The following IL23R variants were observed in gnomAD, a reference collection of about 807,000 sequenced individuals.
IL23R encodes interleukin 23 receptor.
A neutral mutation model predicts 56.9 loss-of-function variants in IL23R; 34 were observed. That is an observed-to-expected ratio of 0.60 (90% CI 0.45 to 0.80). IL23R has a LOEUF of 0.80. Ranked by LOEUF, IL23R falls within the 30% of genes least tolerant of loss-of-function variation. IL23R has a pLI of 0.00. For synonymous variants in IL23R, 230 were observed against 249.2 expected (o/e 0.92, Z 0.73); for missense variants, 635 against 730.0 (o/e 0.87, Z 1.50).
intron 9 of IL23R, among the ~76,000 whole-genome samples, chr1:67,241,964 C>A (rs1276253689): frequency 1.3e-5 from 2 of 152,204 alleles, no homozygotes; most frequent in Admixed American, 6.5e-5. Flanking sequence ...GTGCCAGCAG[C>A]TGTTTAGCCA....
intron 3 of IL23R, among the ~76,000 whole-genome samples, chr1:67,176,870 G>A (rs1027971875): frequency 5.3e-5 from 8 of 152,018 alleles, no homozygotes; most frequent in Admixed American, 3.9e-4. Context: ...CCACCTATGA[G>A]TGAGAACATG....
intron 6 of IL23R, 53 bp from the exon 7 acceptor site, chr1:67,219,521 A>AT: frequency 1.9e-6 from 3 of 1,547,964 alleles, no homozygotes; most frequent in Non-Finnish European, 2.7e-6. Flanking sequence ...GCTAAATAAA[A>AT]TAGTTGTTTT....
At chr1:67,218,825 A>T (rs1450411412) in intron 6 of IL23R, among the ~76,000 whole-genome samples, 3 of 152,052 alleles carry the variant, frequency 2.0e-5, no homozygotes, top group African/African-American at 7.2e-5. Context: ...AGGCTGAGGC[A>T]GGAGGATCAC....
At chr1:67,139,505 ACTT>A (rs1252912697) in intron 1 of IL23R, among the ~76,000 whole-genome samples, 14 of 152,102 alleles carry the variant, frequency 9.2e-5, no homozygotes, top group Admixed American at 9.2e-4. Context: ...CAAAAATTTG[ACTT>A]CTTCAGTCCT....
At position 67,236,699 on chromosome 1, in the gene IL23R, C is replaced by G; in HGVS notation, c.956-14C>G. The G allele has an allele frequency of 1.9e-6, 3 of 1,577,102 alleles. No homozygotes were observed. The highest frequency in any genetic ancestry group is 2.6e-6 in the Non-Finnish European group (3 of 1,146,254). ...AAAATGTAAGAAACTGACACTCTTT[C>G]CTTTTGGTTTAAGTTCCCCAGGTCA... On this transcript the variant is annotated splice_polypyrimidine_tract_variant and intron_variant, in intron 7 of 10. Transcript: ENST00000347310.
chr1:67,163,468 C>CAAAAAAAAAAA (rs57495148), upstream of IL23R, among the ~76,000 whole-genome samples: 3 of 49,604 alleles, frequency 6.0e-5, no homozygotes, highest in African/African-American at 2.9e-4. Flanking sequence ...GACCCTGTCT[C>CAAAAAAAAAAA]AAAAAAAAAA....
At chr1:67,243,416 C>T (rs576964177) in intron 9 of IL23R, among the ~76,000 whole-genome samples, 5 of 152,138 alleles carry the variant, frequency 3.3e-5, no homozygotes, top group Middle Eastern at 3.4e-3. Context: ...CCCATCAACC[C>T]GTCATCTACA....
chr1:67,198,468 G>GGA (rs1648342625), intron 4 of IL23R, among the ~76,000 whole-genome samples: 2 of 152,184 alleles, frequency 1.3e-5, no homozygotes, highest in African/African-American at 4.8e-5. Flanking sequence ...TGGGCTACTT[G>GGA]GATATTCTCA....
chr1:67,150,047 C>G (rs1558215897), intron 1 of IL23R, among the ~76,000 whole-genome samples: 1 of 152,190 alleles, frequency 6.6e-6, no homozygotes, highest in East Asian at 1.9e-4. Flanking sequence ...ATTTTCTGGG[C>G]TCAATCCTAG....
At chr1:67,187,666 C>T (rs1275530490) in intron 4 of IL23R, among the ~76,000 whole-genome samples, 1 of 152,182 alleles carries the variant, frequency 6.6e-6, no homozygotes, top group Non-Finnish European at 1.5e-5. Flanking sequence ...AAAGAGAATG[C>T]TTTCAGAAAT....
chr1:67,160,860 T>C (rs1646812309), intron 1 of IL23R, among the ~76,000 whole-genome samples: 1 of 152,172 alleles, frequency 6.6e-6, no homozygotes, highest in Non-Finnish European at 1.5e-5. Context: ...AGCAGAGCTC[T>C]ATTCTTTATC....
intron 5 of IL23R, among the ~76,000 whole-genome samples, chr1:67,205,883 C>CTTTA (rs1208904345): frequency 1.8e-5 from 1 of 55,898 alleles, no homozygotes; most frequent in African/African-American, 4.8e-5. Flanking sequence ...ATCTTTCTTT[C>CTTTA]TTTCTTTCTT....
In IL23R at chr1:67,238,789, C is replaced by T. The variant is rs537844727; in HGVS notation, c.1046-1390C>T. ...CCAAGGGTGTGTGGCAGCCAGTACC[C>T]CCAATTAGTTGCTTCAAATAGTCAG... is the stretch of plus-strand genomic sequence containing the variant. On this transcript the variant is annotated intron_variant, in intron 8 of 10. Coordinates refer to ENST00000347310, the MANE Select transcript of IL23R (RefSeq NM_144701.3). Among the ~76,000 whole-genome samples the T allele has an allele frequency of 2.0e-5, 3 of 152,154 alleles. No homozygotes were observed. The East Asian group carries it at 5.8e-4, about 29-fold the overall frequency.
At chr1:67,231,506 GT>G (rs2100290403) in intron 7 of IL23R, among the ~76,000 whole-genome samples, 1 of 151,946 alleles carries the variant, frequency 6.6e-6, no homozygotes, top group East Asian at 1.9e-4. Context: ...TCACTGAGGG[GT>G]TAAGCAATTT....
intron 1 of IL23R, among the ~76,000 whole-genome samples, chr1:67,157,622 C>T (rs1646780507): frequency 6.6e-6 from 1 of 152,194 alleles, no homozygotes. Flanking sequence ...TTCGCCATCT[C>T]CTGTCTGTCT....
At chr1:67,169,749 A>G in intron 3 of IL23R, 111 bp downstream of exon 3, 5 of 1,059,804 alleles carry the variant, frequency 4.7e-6, no homozygotes, top group South Asian at 3.9e-5. Context: ...CAGTTTTTAG[A>G]TTAGTTTCAT....
chr1:67,190,616 C>T (rs1371386448), intron 4 of IL23R, among the ~76,000 whole-genome samples: 2 of 152,036 alleles, frequency 1.3e-5, no homozygotes, highest in Non-Finnish European at 2.9e-5. Context: ...AATGATAGCC[C>T]TGCATTCTGT....
chr1:67,228,431 C>T (rs1420769481), intron 7 of IL23R, among the ~76,000 whole-genome samples: 2 of 139,052 alleles, frequency 1.4e-5, no homozygotes, highest in East Asian at 4.9e-4. Flanking sequence ...CTCCTGGACT[C>T]AAGAACTCTG....
In IL23R at chr1:67,169,538, TA is replaced by T; in HGVS notation, c.272del (p.Asn91ThrfsTer23). On this transcript the variant is annotated frameshift_variant, in exon 3 of 11. Transcript: ENST00000347310. LOFTEE classifies it high-confidence loss of function. Reference protein sequence around the residue: ...INKTTARLWYKNFLEPHASMY... With the variant: ...INKTTARLWYXNFLEPHASMY... ...ATAAAACAACAGCTCGGCTTTGGTA[TA>T]AAAACTTTCTGGAACCACATGCTTC... The T allele has an allele frequency of 6.2e-7, 1 of 1,613,986 alleles. No homozygotes were observed. Among genetic ancestry groups the T allele is most frequent in the Non-Finnish European group, 8.5e-7 (1 of 1,179,832 alleles).
Sources: gnomAD v4.1 joint callset for allele counts (sites outside exome capture counted in the v4.1 genomes callset) on GRCh38, gnomAD v4.1.1 for gene constraint, MANE v1.5 for transcripts, NCBI Gene and HGNC (gene_info 2026-07-23, HGNC 2026-07-21) for gene names.